DENND5B: variants seen among roughly 807,000 people sequenced by gnomAD.
DENND5B encodes DENN domain-containing protein 5B.
In DENND5B, 34 loss-of-function variants were observed where a neutral mutation model predicts 140.6. That is an observed-to-expected ratio of 0.24 (90% CI 0.18 to 0.32). The LOEUF is 0.32. Among genes scored for constraint, DENND5B ranks in the 10% least tolerant of loss-of-function variants. The pLI is 1.00. For missense variants in DENND5B, 1,142 were observed against 1,560.2 expected, an observed-to-expected ratio of 0.73 and a Z score of 4.52; for synonymous variants, 551 against 562.1, an observed-to-expected ratio of 0.98 and a Z score of 0.28.
At chr12:31,550,146 G>A (rs1046976379) in intron 1 of DENND5B, among the ~76,000 whole-genome samples, 3 of 150,810 alleles carry the variant, frequency 2.0e-5, no homozygotes, top group African/African-American at 7.3e-5. Context: ...CATGTGCCAT[G>A]CTGGTGTGCT....
chr12:31,583,549 G>A (rs914907759), intron 1 of DENND5B, among the ~76,000 whole-genome samples: 40 of 151,960 alleles, frequency 2.6e-4, no homozygotes, highest in African/African-American at 9.2e-4. Context: ...ATGGTGGCAC[G>A]CACCTGTAGT....
intron 7 of DENND5B, among the ~76,000 whole-genome samples, chr12:31,437,775 AATAAT>A (rs1258147542): frequency 5.3e-5 from 8 of 152,334 alleles, no homozygotes; most frequent in African/African-American, 1.9e-4. Context: ...TCAAATTTCT[AATAAT>A]ATGAGAATGC....
At chr12:31,487,148 G>T (rs1212300505) in intron 2 of DENND5B, among the ~76,000 whole-genome samples, 2 of 152,198 alleles carry the variant, frequency 1.3e-5, no homozygotes, top group Admixed American at 1.3e-4. Context: ...AATATGAGAT[G>T]TGGAAAGGAC....
intron 9 of DENND5B, among the ~76,000 whole-genome samples, chr12:31,425,702 T>C (rs1943198297): frequency 6.6e-6 from 1 of 152,196 alleles, no homozygotes; most frequent in South Asian, 2.1e-4. Flanking sequence ...TATATACTGA[T>C]GCTGAAAATA....
At chr12:31,519,992 C>T (rs1275622125) in intron 1 of DENND5B, among the ~76,000 whole-genome samples, 1 of 152,136 alleles carries the variant, frequency 6.6e-6, no homozygotes, top group Non-Finnish European at 1.5e-5. Context: ...GGTGTGTTTG[C>T]TACCTGTTCA....
chr12:31,521,475 T>A (rs190827784), intron 1 of DENND5B, among the ~76,000 whole-genome samples: 7 of 152,290 alleles, frequency 4.6e-5, no homozygotes, highest in African/African-American at 1.7e-4. Flanking sequence ...CTTATTTTTG[T>A]AGACTGAACT....
At chr12:31,518,149 CTCA>C (rs1302167220) in intron 1 of DENND5B, among the ~76,000 whole-genome samples, 1 of 152,236 alleles carries the variant, frequency 6.6e-6, no homozygotes, top group Non-Finnish European at 1.5e-5. Flanking sequence ...GATTACACAG[CTCA>C]TCTTTCCTCC....
In DENND5B at chr12:31,446,960, T is replaced by C. The variant is rs2138045975; in HGVS notation, c.1861+578A>G. Among the ~76,000 whole-genome samples, 2 of 151,072 alleles carry C rather than the reference T, an allele frequency of 1.3e-5. 1 individual carries two copies. The highest frequency in any genetic ancestry group is 4.2e-4 in the South Asian group (2 of 4,748). On this transcript the variant is annotated intron_variant, in intron 6 of 20. Coordinates refer to ENST00000389082, the MANE Select transcript of DENND5B (RefSeq NM_144973.4). ...GACAGAAATTAACATTTTTTCCATT[T>C]AGGCAATAAAGAGAATAAAACAAAA...
At chr12:31,408,334 C>T (rs780341190) in intron 14 of DENND5B, among the ~76,000 whole-genome samples, 1 of 150,304 alleles carries the variant, frequency 6.7e-6, no homozygotes, top group Non-Finnish European at 1.5e-5. Flanking sequence ...ACAAAAACAA[C>T]AAAATCTCCA....
At chr12:31,454,013 G>A (rs190070379) in intron 4 of DENND5B, among the ~76,000 whole-genome samples, 83 of 151,998 alleles carry the variant, frequency 5.5e-4, no homozygotes, top group African/African-American at 2.0e-3. Flanking sequence ...ATGGTGGCAT[G>A]CACCTGTAAT....
intron 5 of DENND5B, among the ~76,000 whole-genome samples, chr12:31,449,832 G>A (rs749902954): frequency 8.1e-5 from 12 of 148,656 alleles, no homozygotes; most frequent in Non-Finnish European, 1.3e-4. Context: ...CCGGGTTCAT[G>A]CCATTCTTCT....
At chr12:31,526,355 C>G (rs1348115416) in intron 1 of DENND5B, among the ~76,000 whole-genome samples, 2 of 152,102 alleles carry the variant, frequency 1.3e-5, no homozygotes, top group Non-Finnish European at 2.9e-5. Flanking sequence ...GATTGGGAAG[C>G]TCTGATGGCA....
At chr12:31,537,731 T>C (rs35567364) in intron 1 of DENND5B, among the ~76,000 whole-genome samples, 22,127 of 151,882 alleles carry the variant, frequency 0.15, 1,859 homozygotes, top group Non-Finnish European at 0.19. Context: ...ATCTGTTGCC[T>C]ACAAGAAGCA....
At chr12:31,516,035 C>T (rs79575480) in intron 1 of DENND5B, among the ~76,000 whole-genome samples, 9 of 152,222 alleles carry the variant, frequency 5.9e-5, no homozygotes, top group East Asian at 3.9e-4. Context: ...TTATCTTGCA[C>T]GTAGATGTAT....
chr12:31,485,831 C>T (rs1445163126), intron 2 of DENND5B, among the ~76,000 whole-genome samples: 1 of 152,168 alleles, frequency 6.6e-6, no homozygotes, highest in African/African-American at 2.4e-5. Flanking sequence ...CTGAAGCTGC[C>T]TGACTGGTGA....
chr12:31,574,155 C>T (rs948861634), intron 1 of DENND5B, among the ~76,000 whole-genome samples: 3 of 151,072 alleles, frequency 2.0e-5, no homozygotes, highest in Non-Finnish European at 2.9e-5. Flanking sequence ...CCCAGCTACT[C>T]GGAAGGCTGA....
chr12:31,441,468 G>A (rs564530813), intron 7 of DENND5B, among the ~76,000 whole-genome samples: 7 of 151,238 alleles, frequency 4.6e-5, no homozygotes, highest in South Asian at 2.1e-4. Context: ...GATTACAGGC[G>A]TGAGCCACCG....
chr12:31,549,740 T>A (rs1948978218), intron 1 of DENND5B, among the ~76,000 whole-genome samples: 1 of 152,104 alleles, frequency 6.6e-6, no homozygotes, highest in African/African-American at 2.4e-5. Flanking sequence ...GTTGTTCCCC[T>A]CCCTGTGTCC....
chr12:31,474,737 A>G (rs1945713254), intron 3 of DENND5B, among the ~76,000 whole-genome samples: 1 of 152,212 alleles, frequency 6.6e-6, no homozygotes, highest in South Asian at 2.1e-4. Context: ...AACACAGTTA[A>G]GAAGAGTAAA....
Sources: allele counts gnomAD v4.1 joint callset (sites outside exome capture counted in the v4.1 genomes callset), GRCh38; gene constraint gnomAD v4.1.1; transcripts MANE v1.5; gene names NCBI Gene and HGNC (gene_info 2026-07-23, HGNC 2026-07-21).